MAGEA11: variants seen among roughly 807,000 people sequenced by gnomAD.
The protein encoded by MAGEA11 is MAGE family member A11.
Under a neutral mutation model 8.4 loss-of-function variants are expected in MAGEA11, and 1 was observed. The ratio of observed to expected loss-of-function variants is 0.12; its 90% CI spans 0.04 to 0.57. The LOEUF (loss-of-function observed/expected upper bound fraction) is 0.57, where lower values mean the gene tolerates loss of function less well. Ranked by LOEUF, MAGEA11 falls within the 20% of genes least tolerant of loss-of-function variation. The probability of loss-of-function intolerance (pLI) is 0.91; values close to 1 mark genes in which losing one functional copy is unlikely to be tolerated. For missense variants in MAGEA11, 209 were observed against 317.3 expected, an observed-to-expected ratio of 0.66 and a Z score of 2.59; for synonymous variants, 127 against 119.3, an observed-to-expected ratio of 1.06 and a Z score of -0.42.
At chrX:149,715,461 C>T in intron 3 of MAGEA11, 143 bp from the exon 4 acceptor site, 1 of 462,110 alleles carries the variant, frequency 2.2e-6, no homozygotes. Flanking sequence ...GAGATGTTCA[C>T]CCTTAATCTA....
intron 3 of MAGEA11, among the ~76,000 whole-genome samples, chrX:149,715,048 A>G (rs781838695): frequency 6.3e-5 from 7 of 111,770 alleles, no homozygotes; most frequent in Non-Finnish European, 1.3e-4. Context: ...GGACACATGG[A>G]CCCTGCTGAC....
At chrX:149,709,263 C>T (rs185988769), upstream of MAGEA11, among the ~76,000 whole-genome samples, 434 of 103,654 alleles carry the variant, frequency 4.2e-3, no homozygotes, top group Middle Eastern at 9.7e-3. Context: ...CCAGCCTGGG[C>T]GACTGAGCGA....
At chrX:149,701,580 A>G (rs1219271688) in intron 1 of MAGEA11, among the ~76,000 whole-genome samples, 2 of 109,310 alleles carry the variant, frequency 1.8e-5, no homozygotes, top group Non-Finnish European at 3.8e-5. Flanking sequence ...ATTAGATCCC[A>G]TTTGTCAATT....
At chrX:149,713,080 G>A in intron 1 of MAGEA11, 63 bp from the exon 2 acceptor site, 1 of 717,251 alleles carries the variant, frequency 1.4e-6, no homozygotes, top group Non-Finnish European at 2.1e-6. Flanking sequence ...AAGGGACCCA[G>A]CACCCCAGAA....
upstream of MAGEA11, among the ~76,000 whole-genome samples, chrX:149,708,533 C>T (rs1031190662): frequency 8.9e-6 from 1 of 111,790 alleles, no homozygotes; most frequent in African/African-American, 3.3e-5. Context: ...TGGAGAGAGA[C>T]CCAAGGGTGT....
chrX:149,715,706 G>A, intron 4 of MAGEA11, 29 bp downstream of exon 4: 1 of 1,196,110 alleles, frequency 8.4e-7, no homozygotes, highest in Non-Finnish European at 1.1e-6. Context: ...GATTCTCCAT[G>A]GTTCATATCT....
In MAGEA11 at chrX:149,713,201, T is replaced by C. The variant is rs782519445; in HGVS notation, c.42T>C (p.Pro14=). 8.3e-7 allele frequency: 1 copy of C among 1,207,826 alleles called. No homozygotes were observed. Among genetic ancestry groups the C allele is most frequent in the Non-Finnish European group, 1.1e-6 (1 of 893,566 alleles). The change falls in exon 2 of 5, where the codon CCT becomes CCC. Residue 14 remains proline (P), a synonymous_variant. Coordinates refer to ENST00000355220, the MANE Select transcript of MAGEA11 (RefSeq NM_005366.5). ...QFRRGGLGCS[P]ASIKRKKKRE... ...GCAGAGGGGGTCTGGGGTGCAGCCC[T>C]GCCAGCATCAAGAGGAAGAAGAAGA...
At position 149,715,762 on chromosome X, in the gene MAGEA11, C is replaced by A. The variant is rs368280973; in HGVS notation, c.276C>A (p.Gly92=). The A allele has an allele frequency of 1.7e-6, 2 of 1,198,866 alleles. No individual in the cohort carries two copies. Among genetic ancestry groups the A allele is most frequent in the Non-Finnish European group, 2.2e-6 (2 of 890,040 alleles). ...CTCCCTCTCTCCCCAGGCTGTGGGG[C>A]CCCATCACCCAGATATTTCCCACAG... is the stretch of plus-strand genomic sequence containing the variant. ...RITGGEQVLW[G]PITQIFPTVR... is the part of the protein sequence containing the mutation. The change falls in exon 5 of 5, where the codon GGC becomes GGA. Residue 92 remains glycine (G), a synonymous_variant. Transcript: ENST00000355220.
upstream of MAGEA11, chrX:149,712,037 C>A: frequency 1.3e-6 from 1 of 751,632 alleles, no homozygotes; most frequent in Non-Finnish European, 1.6e-6. Flanking sequence ...AAGCTCCAGG[C>A]GTGGGGGCCG....
At chrX:149,706,424 G>A (rs1370098770) in intron 1 of MAGEA11, among the ~76,000 whole-genome samples, 7 of 111,486 alleles carry the variant, frequency 6.3e-5, no homozygotes, top group Middle Eastern at 4.2e-3. Flanking sequence ...ACTCATAGGC[G>A]CCTTAACGAG....
chrX:149,713,282 T>C, intron 2 of MAGEA11, 27 bp downstream of exon 2: 2 of 1,022,496 alleles, frequency 2.0e-6, no homozygotes, highest in Non-Finnish European at 1.4e-6. Flanking sequence ...GCCCTTGGAG[T>C]TCCAAGGCAC....
intron 1 of MAGEA11, among the ~76,000 whole-genome samples, chrX:149,694,192 G>T (rs1272210188): frequency 8.9e-6 from 1 of 111,927 alleles, no homozygotes; most frequent in African/African-American, 3.2e-5. Flanking sequence ...TAGTGTATGA[G>T]GATTCTAATT....
At chrX:149,706,419 T>C (rs1557361478) in intron 1 of MAGEA11, among the ~76,000 whole-genome samples, 2 of 111,681 alleles carry the variant, frequency 1.8e-5, no homozygotes, top group Non-Finnish European at 1.9e-5. Flanking sequence ...CAAAAACTCA[T>C]AGGCGCCTTA....
At chrX:149,696,431 G>T (rs1446050416) in intron 1 of MAGEA11, among the ~76,000 whole-genome samples, 1 of 110,892 alleles carries the variant, frequency 9.0e-6, no homozygotes, top group Non-Finnish European at 1.9e-5. Flanking sequence ...TGGTCTTTGT[G>T]TGTAGGAAAG....
At chrX:149,690,899 A>G (rs2090307763) in intron 1 of MAGEA11, among the ~76,000 whole-genome samples, 2 of 112,097 alleles carry the variant, frequency 1.8e-5, no homozygotes, top group South Asian at 7.4e-4. Context: ...TTCTTGGAAT[A>G]TATTTTCATC....
In MAGEA11 at chrX:149,689,547, C is replaced by T. The variant is rs372488142; in HGVS notation, c.9+563C>T. ...AGCACTCTAGTCCCAGAGTCCTGTT[C>T]GCCCAGCATCCTTTCTCCCTCCTTT... On this transcript the variant is annotated intron_variant, in intron 1 of 3. Transcript: ENST00000333104. 8.9e-5 allele frequency among the ~76,000 whole-genome samples: 10 copies of T among 112,496 alleles called. No individual in the cohort carries two copies. The East Asian group carries it at 1.1e-3, about 13-fold the overall frequency.
chrX:149,715,334 A>G (rs2090421408), intron 3 of MAGEA11, among the ~76,000 whole-genome samples: 1 of 111,745 alleles, frequency 8.9e-6, no homozygotes, highest in Admixed American at 9.4e-5. Flanking sequence ...CTGCAGCCTG[A>G]TGGCCCCATG....
chrX:149,703,499 T>C (rs1429439024), intron 1 of MAGEA11, among the ~76,000 whole-genome samples: 1 of 111,408 alleles, frequency 9.0e-6, no homozygotes, highest in African/African-American at 3.3e-5. Context: ...TGCAGAGCTC[T>C]GGGGTGTGAG....
At chrX:149,691,173 T>C (rs1557360110) in intron 1 of MAGEA11, among the ~76,000 whole-genome samples, 2 of 111,671 alleles carry the variant, frequency 1.8e-5, no homozygotes, top group Non-Finnish European at 3.8e-5. Flanking sequence ...ATTTTTTTTT[T>C]AGTTTATTAG....
Sources: allele counts gnomAD v4.1 joint callset (sites outside exome capture counted in the v4.1 genomes callset), GRCh38; gene constraint gnomAD v4.1.1; transcripts MANE v1.5; gene names NCBI Gene and HGNC (gene_info 2026-07-23, HGNC 2026-07-21).